TTBK2: variants seen among roughly 807,000 people sequenced by gnomAD.
TTBK2 encodes tau tubulin kinase 2, also known as tau-tubulin kinase 2.
A neutral mutation model predicts 110.8 loss-of-function variants in TTBK2; 28 were observed. That is an observed-to-expected ratio of 0.25 (90% confidence interval 0.19 to 0.35). The LOEUF (loss-of-function observed/expected upper bound fraction) is 0.35. Among genes scored for constraint, TTBK2 ranks in the 10% least tolerant of loss-of-function variants. TTBK2 has a pLI of 1.00. For missense variants in TTBK2, 1,369 were observed against 1,500.3 expected, an observed-to-expected ratio of 0.91 and a Z score of 1.45; for synonymous variants, 532 against 527.3, an observed-to-expected ratio of 1.01 and a Z score of -0.12.
At chr15:42,805,509 C>A (rs890420904) in intron 9 of TTBK2, among the ~76,000 whole-genome samples, 2 of 152,140 alleles carry the variant, frequency 1.3e-5, no homozygotes, top group Non-Finnish European at 2.9e-5. Flanking sequence ...AGCTGGTAGT[C>A]TCATCTGACT....
intron 3 of TTBK2, among the ~76,000 whole-genome samples, chr15:42,846,199 C>A (rs1467701868): frequency 7.1e-6 from 1 of 140,684 alleles, no homozygotes; most frequent in Non-Finnish European, 1.6e-5. Flanking sequence ...TTTTTTCTTT[C>A]TTTTTTTTTT....
At chr15:42,907,643 G>T (rs764162984) in intron 1 of TTBK2, among the ~76,000 whole-genome samples, 1 of 152,008 alleles carries the variant, frequency 6.6e-6, no homozygotes, top group African/African-American at 2.4e-5. Context: ...GTAGATTGGT[G>T]GTTACCAGAG....
intron 4 of TTBK2, 62 bp downstream of exon 4, chr15:42,840,298 C>T: frequency 2.2e-5 from 30 of 1,360,418 alleles, no homozygotes; most frequent in Non-Finnish European, 3.1e-5. Context: ...TTCATATTCA[C>T]TGTAATTGTA....
Position 42,772,952 on chromosome 15 carries a change from T to A in TTBK2, c.1998+2183A>T, listed in dbSNP as rs892598826. Among the ~76,000 whole-genome samples, 10 of 152,232 alleles carry A rather than the reference T, an allele frequency of 6.6e-5. 1 individual carries two copies. The East Asian group carries it at 1.7e-3, about 27-fold the overall frequency. The stretch of plus-strand genomic sequence containing the variant: ...ACAACAACAACAACAACAGCCCCAT[T>A]ACAAATCACTTCAGGTTGTTTAAGG... On this transcript the variant is annotated intron_variant, in intron 13 of 14. Transcript: ENST00000267890.
chr15:42,866,090 G>A (rs79179113), intron 3 of TTBK2, among the ~76,000 whole-genome samples: 7 of 152,184 alleles, frequency 4.6e-5, no homozygotes, highest in African/African-American at 1.7e-4. Flanking sequence ...AGTAAATATT[G>A]CTATATTAAT....
In TTBK2 at chr15:42,743,967, G is replaced by C; in HGVS notation, c.*1828C>G. ...ATGACAAAGAATGACTCTATATAAG[G>C]ATATGTCTCTCTATATATTTATAAA... is the stretch of plus-strand genomic sequence containing the variant. On this transcript the variant is annotated 3_prime_UTR_variant, in exon 15 of 15. Transcript: ENST00000267890. The C allele has an allele frequency of 6.8e-6, 1 of 147,942 alleles. No homozygotes were observed. 9.2% of individuals were successfully genotyped at this position (147,942 alleles called of 1,614,324 possible). A position where few individuals can be genotyped will look rare whatever the true frequency, so the allele number is the denominator to read the frequency against.
chr15:42,870,544 T>TA (rs1333251285), intron 3 of TTBK2, among the ~76,000 whole-genome samples: 1 of 151,818 alleles, frequency 6.6e-6, no homozygotes, highest in Non-Finnish European at 1.5e-5. Context: ...TAATTCATCA[T>TA]AAAATATCTT....
At chr15:42,765,587 G>C (rs1385997195) in intron 13 of TTBK2, among the ~76,000 whole-genome samples, 1 of 152,140 alleles carries the variant, frequency 6.6e-6, no homozygotes, top group Non-Finnish European at 1.5e-5. Flanking sequence ...AAAAAGAAAT[G>C]AACAAAGCCT....
chr15:42,801,682 C>G lies in TTBK2; in HGVS notation c.823-6881G>C, dbSNP rs940436606. ...AGCGGCTGTTGTCCATGAACAGCAC[C>G]ACAGATGTATCCGAGATCTGGGACT... is the stretch of plus-strand genomic sequence containing the variant. On this transcript the variant is annotated intron_variant, in intron 9 of 14. Coordinates refer to ENST00000267890, the MANE Select transcript of TTBK2 (RefSeq NM_173500.4). 4.5e-6 allele frequency: 4 copies of G among 894,302 alleles called. No homozygotes were observed. In the African/African-American group the frequency reaches 4.9e-5, roughly 11 times the overall value. The allele number at this position is 894,302 out of a possible 1,614,324, so 55.4% of individuals were successfully genotyped here.
At chr15:42,766,459 A>AAAAAAAAAAAAAAAAAAAAAAAAC (rs1889381214) in intron 13 of TTBK2, among the ~76,000 whole-genome samples, 1 of 144,810 alleles carries the variant, frequency 6.9e-6, no homozygotes, top group Non-Finnish European at 1.5e-5. Flanking sequence ...AAAAAAAAAA[A>AAAAAAAAAAAAAAAAAAAAAAAAC]AAAAAAAAGC....
chr15:42,783,742 G>C, intron 10 of TTBK2, 107 bp from the exon 11 acceptor site: 2 of 619,376 alleles, frequency 3.2e-6, no homozygotes, highest in Non-Finnish European at 2.5e-6. Flanking sequence ...AATTAAGAGA[G>C]TTAAAAAAAA....
At chr15:42,838,366 G>T (rs1893081347) in intron 4 of TTBK2, among the ~76,000 whole-genome samples, 1 of 148,648 alleles carries the variant, frequency 6.7e-6, no homozygotes, top group Non-Finnish European at 1.5e-5. Flanking sequence ...GTGTGTGTGT[G>T]TGTGTGTGTG....
chr15:42,828,912 G>A (rs569278496), intron 5 of TTBK2, among the ~76,000 whole-genome samples: 1 of 152,204 alleles, frequency 6.6e-6, no homozygotes, highest in South Asian at 2.1e-4. Flanking sequence ...TAAGTAAGAG[G>A]ACTTGTGACG....
intron 1 of TTBK2, among the ~76,000 whole-genome samples, chr15:42,914,450 G>A (rs1268291240): frequency 6.6e-6 from 1 of 152,126 alleles, no homozygotes; most frequent in Non-Finnish European, 1.5e-5. Flanking sequence ...TGTAACCATG[G>A]CTTGTACTCT....
chr15:42,882,617 A>C (rs970493099), intron 1 of TTBK2, among the ~76,000 whole-genome samples: 2 of 152,026 alleles, frequency 1.3e-5, no homozygotes, highest in Non-Finnish European at 2.9e-5. Flanking sequence ...TCATCTCAAA[A>C]TAATAATAAC....
In TTBK2 at chr15:42,745,719, T is replaced by A; in HGVS notation, c.*76A>T. ...GAAGATCAACACTGATTTTTTTACA[T>A]AGAAAGTACAGGGACACACATGCAT... On this transcript the variant is annotated 3_prime_UTR_variant, in exon 15 of 15. Coordinates refer to ENST00000267890, the MANE Select transcript of TTBK2 (RefSeq NM_173500.4). 1 of 1,542,652 alleles carries A rather than the reference T, an allele frequency of 6.5e-7. No homozygotes were observed. The highest frequency in any genetic ancestry group is 9.0e-7 in the Non-Finnish European group (1 of 1,116,902).
At chr15:42,882,390 G>C (rs1895083958) in intron 1 of TTBK2, among the ~76,000 whole-genome samples, 1 of 151,942 alleles carries the variant, frequency 6.6e-6, no homozygotes, top group Non-Finnish European at 1.5e-5. Flanking sequence ...CCTGAGGTCA[G>C]GAGTTTGAGA....
chr15:42,872,878 T>C (rs1388394024), intron 2 of TTBK2, 120 bp from the exon 3 acceptor site: 6 of 1,205,416 alleles, frequency 5.0e-6, no homozygotes, highest in Non-Finnish European at 6.8e-6. Context: ...ATAAAATATT[T>C]AAATATTGTT....
chr15:42,909,915 C>A (rs552696302), intron 1 of TTBK2, among the ~76,000 whole-genome samples: 3 of 152,172 alleles, frequency 2.0e-5, no homozygotes, highest in Non-Finnish European at 2.9e-5. Flanking sequence ...GTAATCACAG[C>A]TACTAGGGAG....
Sources: gnomAD v4.1 joint callset for allele counts (sites outside exome capture counted in the v4.1 genomes callset) on GRCh38, gnomAD v4.1.1 for gene constraint, MANE v1.5 for transcripts, NCBI Gene and HGNC (gene_info 2026-07-23, HGNC 2026-07-21) for gene names.